The following SLC14A2 variants were observed in gnomAD, a reference collection of about 807,000 sequenced individuals.
SLC14A2 encodes solute carrier family 14 member 2.
SLC14A2 carries 91 observed loss-of-function variants against 104.6 expected under a neutral mutation model. The ratio of observed to expected loss-of-function variants is 0.87; its 90% CI spans 0.73 to 1.04. SLC14A2 has a LOEUF of 1.04. Among genes scored for constraint, SLC14A2 ranks in the 50% least tolerant of loss-of-function variants. SLC14A2 has a pLI of 0.00. For missense variants in SLC14A2, 1,189 were observed against 1,156.0 expected (o/e 1.03, Z -0.41); for synonymous variants, 476 against 466.4 (o/e 1.02, Z -0.27).
chr18:45,430,779 A>ACAGAGAAAGAGAGAGCTTG (rs2086502291), intron 1 of SLC14A2, among the ~76,000 whole-genome samples: 1 of 151,976 alleles, frequency 6.6e-6, no homozygotes, highest in African/African-American at 2.4e-5. Context: ...GGAAAACCAG[A>ACAGAGAAAGAGAGAGCTTG]CAGAGAAAGA....
chr18:45,427,938 C>T (rs1256764615), intron 1 of SLC14A2, among the ~76,000 whole-genome samples: 1 of 152,152 alleles, frequency 6.6e-6, no homozygotes. Context: ...AACTGCCCTG[C>T]CTTTCCCACA....
intron 2 of SLC14A2, among the ~76,000 whole-genome samples, chr18:45,514,872 A>G (rs922047034): frequency 2.0e-5 from 3 of 152,240 alleles, no homozygotes; most frequent in Non-Finnish European, 4.4e-5. Flanking sequence ...TAGAAATGTT[A>G]ATTGAAATAT....
intron 1 of SLC14A2, among the ~76,000 whole-genome samples, chr18:45,225,144 A>C (rs918361574): frequency 2.0e-5 from 3 of 152,164 alleles, no homozygotes; most frequent in African/African-American, 4.8e-5. Context: ...TTAAGTCTTT[A>C]ATCCATCTTG....
chr18:45,492,890 C>A (rs1400099605), intron 2 of SLC14A2, among the ~76,000 whole-genome samples: 1 of 152,208 alleles, frequency 6.6e-6, no homozygotes, highest in Admixed American at 6.5e-5. Flanking sequence ...AAACTTTAGT[C>A]AAACTTCAAC....
intron 1 of SLC14A2, among the ~76,000 whole-genome samples, chr18:45,257,405 G>C (rs767204568): frequency 2.0e-4 from 30 of 152,030 alleles, no homozygotes; most frequent in South Asian, 4.2e-4. Context: ...ATACCTTATG[G>C]CCCTTCTGCC....
At chr18:45,235,821 A>G (rs528410598) in intron 1 of SLC14A2, among the ~76,000 whole-genome samples, 40 of 129,230 alleles carry the variant, frequency 3.1e-4, no homozygotes, top group African/African-American at 1.1e-3. Context: ...GTGTATATAT[A>G]TATATATATA....
chr18:45,620,367 G>A (rs1204640053), intron 1 of SLC14A2, among the ~76,000 whole-genome samples: 1 of 152,234 alleles, frequency 6.6e-6, no homozygotes, highest in Non-Finnish European at 1.5e-5. Flanking sequence ...AATGAGGTGA[G>A]CTTGCTCTGG....
chr18:45,208,250 AAT>A (rs2083931896), upstream of SLC14A2, among the ~76,000 whole-genome samples: 1 of 152,212 alleles, frequency 6.6e-6, no homozygotes, highest in African/African-American at 2.4e-5. Flanking sequence ...ACAGAACTAA[AAT>A]ATATATTTTT....
chr18:45,520,666 T>C (rs1328921636), intron 2 of SLC14A2, among the ~76,000 whole-genome samples: 2 of 152,086 alleles, frequency 1.3e-5, no homozygotes, highest in Non-Finnish European at 2.9e-5. Context: ...AGAAGCAACA[T>C]GGTGTCCTGG....
At chr18:45,174,029 G>C in the SLC14A2 span, among the ~76,000 whole-genome samples, 1 of 152,096 alleles carries the variant, frequency 6.6e-6, no homozygotes, top group Non-Finnish European at 1.5e-5. Context: ...CGGTATTATG[G>C]AGTAAGCCAT....
At chr18:45,522,502 G>A (rs528264185) in intron 2 of SLC14A2, among the ~76,000 whole-genome samples, 6 of 152,122 alleles carry the variant, frequency 3.9e-5, no homozygotes, top group African/African-American at 7.2e-5. Context: ...AGCTCAGGGC[G>A]GGAGCAATCC....
At chr18:45,419,584 G>T (rs2086317916) in intron 1 of SLC14A2, among the ~76,000 whole-genome samples, 1 of 152,144 alleles carries the variant, frequency 6.6e-6, no homozygotes, top group Admixed American at 6.5e-5. Context: ...GACCAGCCTG[G>T]CCAATGTGGT....
At chr18:45,388,064 C>CTT (rs58962313) in intron 1 of SLC14A2, among the ~76,000 whole-genome samples, 32 of 69,092 alleles carry the variant, frequency 4.6e-4, no homozygotes, top group East Asian at 1.0e-3. Flanking sequence ...TTGCTCATAT[C>CTT]TTTTTTTTTT....
chr18:45,522,842 A>G (rs1013088938), intron 2 of SLC14A2, among the ~76,000 whole-genome samples: 2 of 152,120 alleles, frequency 1.3e-5, no homozygotes, highest in African/African-American at 4.8e-5. Context: ...TCACCAAACC[A>G]GCTATACCCT....
intron 2 of SLC14A2, among the ~76,000 whole-genome samples, chr18:45,506,493 T>A (rs925042750): frequency 2.0e-5 from 3 of 152,116 alleles, no homozygotes; most frequent in African/African-American, 7.2e-5. Context: ...GCAGACAAGT[T>A]AAGGCTCTCC....
chr18:45,371,957 A>G lies in SLC14A2; in HGVS notation c.-124-111276A>G, dbSNP rs180786359. ...GAAAATAATTGGGATAGTATTACCT[A>G]CTTAGATAAGGCCTTGGGTGGGAAC... On this transcript the variant is annotated intron_variant, in intron 1 of 20. Coordinates refer to the SLC14A2 transcript ENST00000586448. 1.8e-4 allele frequency among the ~76,000 whole-genome samples: 27 copies of G among 152,316 alleles called. 2 individuals carry two copies. In the East Asian group the frequency reaches 3.9e-3, roughly 22 times the overall value.
At chr18:45,406,476 C>G (rs2086155910) in intron 1 of SLC14A2, among the ~76,000 whole-genome samples, 1 of 152,276 alleles carries the variant, frequency 6.6e-6, no homozygotes, top group East Asian at 1.9e-4. Context: ...CTCCAAACAC[C>G]TGTTAATGTT....
intron 1 of SLC14A2, among the ~76,000 whole-genome samples, chr18:45,245,443 A>C (rs2144061155): frequency 6.6e-6 from 1 of 152,310 alleles, no homozygotes; most frequent in Admixed American, 6.5e-5. Context: ...CTCAGACCCC[A>C]TAATTATCTG....
At chr18:45,211,701 T>C (rs1381557023), upstream of SLC14A2, among the ~76,000 whole-genome samples, 2 of 152,206 alleles carry the variant, frequency 1.3e-5, no homozygotes, top group African/African-American at 2.4e-5. Flanking sequence ...TGCCAGACAC[T>C]GTGCTAAACA....
Sources: gnomAD v4.1 joint callset for allele counts (sites outside exome capture counted in the v4.1 genomes callset) on GRCh38, gnomAD v4.1.1 for gene constraint, MANE v1.5 for transcripts, NCBI Gene and HGNC (gene_info 2026-07-23, HGNC 2026-07-21) for gene names.